BEND4: variants seen among roughly 807,000 people sequenced by gnomAD.
BEND4 encodes BEN domain containing 4.
In BEND4, 27 loss-of-function variants were observed where a neutral mutation model predicts 54.7. The ratio of observed to expected loss-of-function variants is 0.49; its 90% CI spans 0.36 to 0.68. The LOEUF (loss-of-function observed/expected upper bound fraction) is 0.68. BEND4 is among the 30% of genes least tolerant of loss of function. BEND4 has a pLI of 0.00. For missense variants in BEND4, 702 were observed against 697.2 expected (o/e 1.01, Z -0.08); for synonymous variants, 327 against 299.5 (o/e 1.09, Z -0.95).
chr4:42,134,954 C>T (rs1260497259), intron 3 of BEND4, among the ~76,000 whole-genome samples: 1 of 152,122 alleles, frequency 6.6e-6, no homozygotes, highest in African/African-American at 2.4e-5. Flanking sequence ...AGGAAAAGAT[C>T]CAGGAATTGA....
chr4:42,129,663 T>C (rs1213798594), intron 3 of BEND4, among the ~76,000 whole-genome samples: 2 of 152,176 alleles, frequency 1.3e-5, no homozygotes, highest in Non-Finnish European at 2.9e-5. Context: ...CTGGGAGAAC[T>C]GGCTAGCCAT....
chr4:42,143,163 G>T (rs1720949592), intron 3 of BEND4, among the ~76,000 whole-genome samples: 1 of 152,184 alleles, frequency 6.6e-6, no homozygotes, highest in Non-Finnish European at 1.5e-5. Flanking sequence ...GGACTATGGT[G>T]TTCAGGCCTA....
At chr4:42,130,479 C>CAAAAAAAAA in intron 3 of BEND4, among the ~76,000 whole-genome samples, 1 of 64,922 alleles carries the variant, frequency 1.5e-5, no homozygotes, top group Non-Finnish European at 3.0e-5. Context: ...GAGTCCGTCT[C>CAAAAAAAAA]AAAAAAAAAA....
intron 3 of BEND4, among the ~76,000 whole-genome samples, chr4:42,139,311 GAA>G (rs1720803567): frequency 6.6e-6 from 1 of 152,144 alleles, no homozygotes; most frequent in South Asian, 2.1e-4. Flanking sequence ...AACTGACTCT[GAA>G]AAGTTAGAGA....
At chr4:42,129,955 A>C (rs1176809519) in intron 3 of BEND4, among the ~76,000 whole-genome samples, 1 of 152,228 alleles carries the variant, frequency 6.6e-6, no homozygotes, top group African/African-American at 2.4e-5. Flanking sequence ...TATCAGAGTC[A>C]ACAAACAATC....
At chr4:42,136,648 G>C (rs1720708255) in intron 3 of BEND4, among the ~76,000 whole-genome samples, 1 of 152,110 alleles carries the variant, frequency 6.6e-6, no homozygotes, top group Non-Finnish European at 1.5e-5. Flanking sequence ...TCCTCACCAT[G>C]GTCTATTATT....
chr4:42,120,992 G>A (rs1369959635), intron 4 of BEND4, among the ~76,000 whole-genome samples: 1 of 152,062 alleles, frequency 6.6e-6, no homozygotes, highest in African/African-American at 2.4e-5. Context: ...GACTAATTAC[G>A]GGAATTTCCG....
intron 3 of BEND4, among the ~76,000 whole-genome samples, chr4:42,131,883 A>G (rs531061412): frequency 6.6e-6 from 1 of 152,194 alleles, no homozygotes; most frequent in South Asian, 2.1e-4. Context: ...TGGTCCTACA[A>G]GGCAGGGACC....
intron 2 of BEND4, among the ~76,000 whole-genome samples, chr4:42,146,483 T>C (rs975451163): frequency 1.3e-5 from 2 of 152,246 alleles, no homozygotes; most frequent in African/African-American, 4.8e-5. Flanking sequence ...ATCCGGAGTC[T>C]CACAAAAATA....
chr4:42,129,198 C>A (rs541052794), intron 3 of BEND4, among the ~76,000 whole-genome samples: 1 of 151,988 alleles, frequency 6.6e-6, no homozygotes, highest in Non-Finnish European at 1.5e-5. Flanking sequence ...AATAAAATAC[C>A]GAGGAAAACA....
intron 2 of BEND4, among the ~76,000 whole-genome samples, chr4:42,147,312 A>C (rs1302734651): frequency 1.3e-5 from 2 of 152,146 alleles, no homozygotes; most frequent in African/African-American, 2.4e-5. Context: ...CATTGCATGC[A>C]GCAATAGTTT....
rs1719897784 is a variant in BEND4, at chr4:42,117,655, C to T, written c.1468G>A (p.Ala490Thr). 3 of 1,611,254 alleles carry T rather than the reference C, an allele frequency of 1.9e-6. No individual in the cohort carries two copies. The highest frequency in any genetic ancestry group is 1.1e-5 in the South Asian group (1 of 90,332). The change falls in exon 6 of 6, where the codon GCT becomes ACT. Residue 490 changes from alanine (A) to threonine (T), a missense_variant. Physicochemically the swap from Ala to Thr is moderately conservative, Grantham distance 58. Transcript: ENST00000502486. ...CGCCCCTGTCGGGCGTGACCGACAG[C>T]GTCGCTGAACACTTTGTTTATCTGC... ...EEQINKVFSD[A>T]VGHARQGRAV...
intron 3 of BEND4, among the ~76,000 whole-genome samples, chr4:42,131,180 T>C (rs1577755556): frequency 6.6e-6 from 1 of 152,178 alleles, no homozygotes; most frequent in East Asian, 1.9e-4. Context: ...TGTTTACCTA[T>C]GTAACAAACC....
rs887014119 is a variant in BEND4 at position 42,146,390 on chromosome 4, A to G, written c.488-2396T>C. On this transcript the variant is annotated intron_variant, in intron 2 of 5. Coordinates refer to ENST00000502486, the MANE Select transcript of BEND4 (RefSeq NM_207406.4). ...ATTTGCCAAGGTAGGTGGACAGAAC[A>G]TATTTTGTTAAACAATTTGTTAGCT... Among the ~76,000 whole-genome samples, 8 of 152,254 alleles carry G rather than the reference A, an allele frequency of 5.3e-5. No homozygotes were observed. The East Asian group carries it at 7.7e-4, about 15-fold the overall frequency.
intron 2 of BEND4, among the ~76,000 whole-genome samples, chr4:42,149,030 C>T (rs1721170513): frequency 6.6e-6 from 1 of 152,286 alleles, no homozygotes; most frequent in South Asian, 2.1e-4. Context: ...TCAACCCTTT[C>T]ATCTTTTCAC....
At chr4:42,132,521 T>C (rs1311390845) in intron 3 of BEND4, among the ~76,000 whole-genome samples, 1 of 152,200 alleles carries the variant, frequency 6.6e-6, no homozygotes, top group Non-Finnish European at 1.5e-5. Flanking sequence ...CTCGGCTCAC[T>C]GCAACCTCCG....
chr4:42,142,853 A>G (rs1685868763), intron 3 of BEND4, among the ~76,000 whole-genome samples: 4 of 152,184 alleles, frequency 2.6e-5, no homozygotes, highest in Admixed American at 2.0e-4. Context: ...AGGACAGTGT[A>G]TATGCTAAAG....
In BEND4 at chr4:42,130,475, G is replaced by A. The variant is rs546292212; in HGVS notation, c.1055-4801C>T. 1.5e-3 allele frequency among the ~76,000 whole-genome samples: 153 copies of A among 104,846 alleles called. 1 individual carries two copies. The highest frequency in any genetic ancestry group is 6.2e-3 in the African/African-American group (139 of 22,434). 68.8% of individuals were successfully genotyped at this position (104,846 alleles called of 152,430 possible). On this transcript the variant is annotated intron_variant, in intron 3 of 5. Transcript: ENST00000502486. ...AGTCTGGGCGACAGAGCAAGAGTCC[G>A]TCTCAAAAAAAAAAAAAAAAAAAAA...
intron 4 of BEND4, among the ~76,000 whole-genome samples, chr4:42,125,150 G>C (rs750190991): frequency 3.3e-5 from 5 of 152,072 alleles, no homozygotes; most frequent in Non-Finnish European, 5.9e-5. Context: ...TTTAAGTCCA[G>C]GTGAAAAAAA....
Sources: allele counts gnomAD v4.1 joint callset (sites outside exome capture counted in the v4.1 genomes callset), GRCh38; gene constraint gnomAD v4.1.1; transcripts MANE v1.5; gene names NCBI Gene and HGNC (gene_info 2026-07-23, HGNC 2026-07-21).